Variants in RUNX1 observed in about 807,000 individuals in gnomAD.
RUNX1 encodes RUNX family transcription factor 1, also known as runt-related transcription factor 1.
A neutral mutation model predicts 42.8 loss-of-function variants in RUNX1; 19 were observed. That is an observed-to-expected ratio of 0.44 (90% CI 0.31 to 0.65). The LOEUF is 0.65. Ranked by LOEUF, RUNX1 falls within the 30% of genes least tolerant of loss-of-function variation. The pLI, the probability that RUNX1 is intolerant of heterozygous loss-of-function variation, is 0.07. For synonymous variants in RUNX1, 271 were observed against 289.4 expected, an observed-to-expected ratio of 0.94 and a Z score of 0.64; for missense variants, 528 against 672.0, an observed-to-expected ratio of 0.79 and a Z score of 2.37.
intron 2 of RUNX1, among the ~76,000 whole-genome samples, chr21:35,026,899 C>A (rs1439066835): frequency 6.6e-6 from 1 of 152,242 alleles, no homozygotes; most frequent in Admixed American, 6.5e-5. Flanking sequence ...GCGTTATCAG[C>A]GGCGCGCAGG....
At chr21:34,861,505 C>G (rs146816163) in intron 5 of RUNX1, among the ~76,000 whole-genome samples, 8 of 152,298 alleles carry the variant, frequency 5.3e-5, no homozygotes, top group Non-Finnish European at 1.2e-4. Context: ...TGTCAAGAAC[C>G]CATGAAGGTT....
intron 2 of RUNX1, among the ~76,000 whole-genome samples, chr21:35,016,854 A>C (rs1466939577): frequency 1.3e-5 from 2 of 150,742 alleles, no homozygotes; most frequent in Non-Finnish European, 3.0e-5. Flanking sequence ...AATCCGTAGA[A>C]TCTCTGGGAC....
chr21:34,975,074 G>A lies in RUNX1; in HGVS notation c.58+73768C>T, dbSNP rs1569133307. Among the ~76,000 whole-genome samples, 3 of 150,134 alleles carry A rather than the reference G, an allele frequency of 2.0e-5. 1 individual carries two copies. The highest frequency in any genetic ancestry group is 7.6e-5 in the African/African-American group (3 of 39,592). ...GCTAGATGTGGAAACTAGGCTCAGA[G>A]TGATTGGATAAATTGCCCATATGCT... On this transcript the variant is annotated intron_variant, in intron 2 of 8. Coordinates refer to ENST00000675419, the MANE Select transcript of RUNX1 (RefSeq NM_001754.5).
chr21:34,972,147 G>A (rs2058768452), intron 2 of RUNX1, among the ~76,000 whole-genome samples: 1 of 152,098 alleles, frequency 6.6e-6, no homozygotes, highest in South Asian at 2.1e-4. Flanking sequence ...AGAAAAACTG[G>A]AAATTTCACT....
intron 3 of RUNX1, among the ~76,000 whole-genome samples, chr21:34,891,081 C>G (rs1171821925): frequency 1.3e-5 from 2 of 152,174 alleles, no homozygotes; most frequent in Non-Finnish European, 2.9e-5. Flanking sequence ...CTCTGGGTCT[C>G]GGGCCGCTTG....
chr21:34,994,603 C>T (rs184810983), intron 2 of RUNX1, among the ~76,000 whole-genome samples: 14 of 151,982 alleles, frequency 9.2e-5, no homozygotes, highest in Admixed American at 3.3e-4. Flanking sequence ...ACCTGCTATG[C>T]GTATACACCT....
chr21:34,923,355 C>T (rs1342002743), intron 2 of RUNX1, among the ~76,000 whole-genome samples: 1 of 152,144 alleles, frequency 6.6e-6, no homozygotes, highest in Non-Finnish European at 1.5e-5. Flanking sequence ...CATTTCTTTC[C>T]AGTTCAGAAT....
chr21:34,969,573 A>C (rs2058745692), intron 2 of RUNX1, among the ~76,000 whole-genome samples: 1 of 152,188 alleles, frequency 6.6e-6, no homozygotes, highest in Non-Finnish European at 1.5e-5. Context: ...TCAAACAGCG[A>C]GAGGCACTTT....
intron 5 of RUNX1, among the ~76,000 whole-genome samples, chr21:34,864,227 C>A (rs939264349): frequency 1.3e-5 from 2 of 152,214 alleles, no homozygotes; most frequent in South Asian, 2.1e-4. Flanking sequence ...TCGGGGCACA[C>A]GTGTTATGAG....
rs76456046 is a variant in RUNX1 at position 34,917,311 on chromosome 21, G to A, written c.59-24348C>T. Among the ~76,000 whole-genome samples, 1,211 of 152,332 alleles carry A rather than the reference G, an allele frequency of 7.9e-3. 12 individuals carry two copies. Among genetic ancestry groups the A allele is most frequent in the African/African-American group, 0.028 (1,167 of 41,576 alleles). The stretch of plus-strand genomic sequence containing the variant: ...AAGCAGATGGAGACAGGGTGAAAGA[G>A]GACACTCAGAACTTTGGAGCCTAGA... On this transcript the variant is annotated intron_variant, in intron 2 of 8. Transcript: ENST00000675419.
chr21:34,962,635 G>A (rs1272982055), intron 2 of RUNX1, among the ~76,000 whole-genome samples: 1 of 152,202 alleles, frequency 6.6e-6, no homozygotes, highest in Non-Finnish European at 1.5e-5. Flanking sequence ...GGGTGAAAAA[G>A]TTAAGCCAAA....
intron 7 of RUNX1, among the ~76,000 whole-genome samples, chr21:34,808,421 T>C (rs2056712298): frequency 6.6e-6 from 1 of 152,140 alleles, no homozygotes; most frequent in Admixed American, 6.5e-5. Context: ...CACCACTCCC[T>C]GCTTCCGGGA....
At chr21:34,956,281 G>C (rs2058643307) in intron 2 of RUNX1, among the ~76,000 whole-genome samples, 1 of 152,094 alleles carries the variant, frequency 6.6e-6, no homozygotes, top group Admixed American at 6.5e-5. Context: ...GCAGAAAGAA[G>C]ATACATTTTC....
intron 2 of RUNX1, among the ~76,000 whole-genome samples, chr21:34,948,740 T>C (rs1487404853): frequency 6.6e-6 from 1 of 152,116 alleles, no homozygotes; most frequent in African/African-American, 2.4e-5. Flanking sequence ...CAGAATTTCT[T>C]TCTTTTTTTT....
chr21:34,919,309 T>G (rs2058336200), intron 2 of RUNX1, among the ~76,000 whole-genome samples: 1 of 152,224 alleles, frequency 6.6e-6, no homozygotes, highest in South Asian at 2.1e-4. Context: ...AAGGGACTTT[T>G]GTGAGGGATC....
At chr21:35,016,691 T>C (rs2059161454) in intron 2 of RUNX1, among the ~76,000 whole-genome samples, 1 of 152,144 alleles carries the variant, frequency 6.6e-6, no homozygotes, top group Admixed American at 6.5e-5. Flanking sequence ...ACCCCATTTC[T>C]GGGGCCTGAA....
At chr21:35,024,912 A>G (rs1363795507) in intron 2 of RUNX1, among the ~76,000 whole-genome samples, 1 of 152,226 alleles carries the variant, frequency 6.6e-6, no homozygotes, top group Admixed American at 6.5e-5. Flanking sequence ...GGCATTTAAG[A>G]TCAAGACTGG....
In RUNX1 at chr21:34,880,375, T is replaced by C. The variant is rs76637156; in HGVS notation, c.508+182A>G. ...TCCACTCAGTAACATAAAGCAATAATATAGAGATTCTGCTAAAAATATTAA... is the reference window on the plus strand; with the variant it reads ...TCCACTCAGTAACATAAAGCAATAACATAGAGATTCTGCTAAAAATATTAA... On this transcript the variant is annotated intron_variant, in intron 5 of 8. Coordinates refer to ENST00000675419, the MANE Select transcript of RUNX1 (RefSeq NM_001754.5). Among the ~76,000 whole-genome samples, 658 of 152,330 alleles carry C rather than the reference T, an allele frequency of 4.3e-3. 10 individuals carry two copies. Among genetic ancestry groups the C allele is most frequent in the African/African-American group, 0.015 (631 of 41,562 alleles).
chr21:34,899,460 G>A (rs2058159711), intron 2 of RUNX1, among the ~76,000 whole-genome samples: 1 of 151,800 alleles, frequency 6.6e-6, no homozygotes, highest in African/African-American at 2.4e-5. Flanking sequence ...CAATCGTGCT[G>A]GTACCCTGAT....
Sources: allele counts gnomAD v4.1 joint callset (sites outside exome capture counted in the v4.1 genomes callset), GRCh38; gene constraint gnomAD v4.1.1; transcripts MANE v1.5; gene names NCBI Gene and HGNC (gene_info 2026-07-23, HGNC 2026-07-21).